Variants in DIP2C observed in about 807,000 individuals in gnomAD.
DIP2C encodes disco-interacting protein 2 homolog C.
Under a neutral mutation model 192.4 loss-of-function variants are expected in DIP2C, and 33 were observed. That is an observed-to-expected ratio of 0.17 (90% CI 0.13 to 0.23). The LOEUF is 0.23. Among genes scored for constraint, DIP2C ranks in the 10% least tolerant of loss-of-function variants. The pLI, the probability that DIP2C is intolerant of heterozygous loss-of-function variation, is 1.00. For synonymous variants in DIP2C, 979 were observed against 864.1 expected (o/e 1.13, Z -2.33); for missense variants, 1,537 against 2,110.1 (o/e 0.73, Z 5.32).
In DIP2C at chr10:277,527, C is replaced by G. The variant is rs1954577148; in HGVS notation, c.4469G>C (p.Gly1490Ala). The change falls in exon 37 of 37, where the codon GGG becomes GCG. Residue 1490 changes from glycine (G) to alanine (A), a missense_variant. Gly to Ala is a moderately conservative substitution (Grantham distance 60, BLOSUM62 0). This residue lies in a region of DIP2C where 341 missense variants were observed against 551.7 expected (regional missense o/e 0.62). Coordinates refer to ENST00000280886, the MANE Select transcript of DIP2C (RefSeq NM_014974.3). ...CAGGTCCAAGGCTTCTTGTTCCGAC[C>G]CATCCAGCTCAACCACAACCACCAA... The part of the protein sequence containing the change: ...NLLVVVVELD[G>A]SEQEALDLVP... 1.2e-6 allele frequency: 2 copies of G among 1,614,018 alleles called. No homozygotes were observed. The highest frequency in any genetic ancestry group is 1.3e-5 in the African/African-American group (1 of 74,914).
intron 32 of DIP2C, among the ~76,000 whole-genome samples, chr10:296,977 T>C (rs1439005609): frequency 1.3e-5 from 2 of 151,578 alleles, no homozygotes; most frequent in South Asian, 2.1e-4. Flanking sequence ...ACGTGGCACA[T>C]GTATACATAT....
At chr10:475,918 G>A (rs576670719) in intron 2 of DIP2C, among the ~76,000 whole-genome samples, 1 of 152,302 alleles carries the variant, frequency 6.6e-6, no homozygotes, top group South Asian at 2.1e-4. Context: ...CATGGCTGCT[G>A]GAACAGATAC....
intron 1 of DIP2C, among the ~76,000 whole-genome samples, chr10:540,404 C>T (rs1188780732): frequency 2.0e-5 from 3 of 152,374 alleles, no homozygotes; most frequent in African/African-American, 7.2e-5. Flanking sequence ...GAGCTTCCAC[C>T]TTCCCACATC....
At chr10:567,145 C>T (rs944922178) in intron 1 of DIP2C, among the ~76,000 whole-genome samples, 1 of 152,170 alleles carries the variant, frequency 6.6e-6, no homozygotes, top group African/African-American at 2.4e-5. Flanking sequence ...TCAAATCCAA[C>T]TCCGGCGGAA....
intron 32 of DIP2C, among the ~76,000 whole-genome samples, chr10:294,586 C>A (rs530983996): frequency 1.3e-5 from 2 of 149,696 alleles, no homozygotes; most frequent in Admixed American, 6.7e-5. Context: ...AGAGTGATAC[C>A]CCATCTAAAA....
At position 364,644 on chromosome 10, in the gene DIP2C, G is replaced by A. The variant is rs746637176; in HGVS notation, c.2269-62C>T. 6.9e-5 allele frequency: 107 copies of A among 1,549,732 alleles called. No homozygotes were observed. In the Middle Eastern group the frequency reaches 2.2e-3, roughly 32 times the overall value. On this transcript the variant is annotated intron_variant, in intron 19 of 36. Transcript: ENST00000280886. ...TGGTCAGCTGGTTTTAATCCTCGCC[G>A]CTACTCCTGGGAGCACGGCACCTGC...
At chr10:421,765 A>G (rs1966199921) in intron 5 of DIP2C, among the ~76,000 whole-genome samples, 1 of 152,188 alleles carries the variant, frequency 6.6e-6, no homozygotes, top group Non-Finnish European at 1.5e-5. Flanking sequence ...TTTCCTCACC[A>G]AAAGCCTAAA....
At chr10:605,421 A>C (rs1361410741) in intron 1 of DIP2C, among the ~76,000 whole-genome samples, 1 of 152,206 alleles carries the variant, frequency 6.6e-6, no homozygotes, top group African/African-American at 2.4e-5. Flanking sequence ...CAAGCTAATA[A>C]AATTCCTTAC....
At chr10:450,607 T>C (rs548433923) in intron 3 of DIP2C, among the ~76,000 whole-genome samples, 81 of 152,312 alleles carry the variant, frequency 5.3e-4, no homozygotes, top group Admixed American at 1.7e-3. Context: ...AGCTGTCTAC[T>C]AGCAGCAGCA....
chr10:516,253 C>T (rs907609332), intron 1 of DIP2C, among the ~76,000 whole-genome samples: 1 of 117,316 alleles, frequency 8.5e-6, no homozygotes, highest in African/African-American at 3.4e-5. Context: ...ACGTTTATAA[C>T]CTGTTGTTGA....
intron 36 of DIP2C, among the ~76,000 whole-genome samples, chr10:280,541 C>G (rs570562783): frequency 1.3e-5 from 2 of 152,234 alleles, no homozygotes; most frequent in African/African-American, 2.4e-5. Context: ...CTCCAGCATC[C>G]AATCCACTCC....
rs1851806317 is a variant in DIP2C at position 597,837 on chromosome 10, AG to A, written c.85+91656del. Among the ~76,000 whole-genome samples, 23 of 152,282 alleles carry A rather than the reference AG, an allele frequency of 1.5e-4. No homozygotes were observed. In the South Asian group the frequency reaches 4.8e-3, roughly 32 times the overall value. On this transcript the variant is annotated intron_variant, in intron 1 of 36. Transcript: ENST00000280886. ...ACACAGCTTACACCCATGAGGTCCTAGGGGTCCTGAGTCCTTTCCTGGCTAT... is the reference window on the plus strand; with the variant it reads ...ACACAGCTTACACCCATGAGGTCCTAGGGTCCTGAGTCCTTTCCTGGCTAT...
chr10:554,781 T>C (rs533032617), intron 1 of DIP2C, among the ~76,000 whole-genome samples: 1 of 152,282 alleles, frequency 6.6e-6, no homozygotes, highest in Non-Finnish European at 1.5e-5. Context: ...AGTGAGTCCT[T>C]CATCAAAAGG....
chr10:620,958 T>G (rs1853811665), intron 1 of DIP2C, among the ~76,000 whole-genome samples: 2 of 152,232 alleles, frequency 1.3e-5, no homozygotes. Flanking sequence ...TTATTCCAGT[T>G]GTTTTTGTTT....
At chr10:305,994 T>TATATATATATATATATACATA (rs201950305) in intron 32 of DIP2C, among the ~76,000 whole-genome samples, 69 of 148,754 alleles carry the variant, frequency 4.6e-4, no homozygotes, top group Middle Eastern at 3.6e-3. Context: ...TATATATATA[T>TATATATATATATATATACATA]TATATTTTTT....
chr10:622,404 A>AGGGAGGAGGGGGAGGGG (rs1853928959), intron 1 of DIP2C, among the ~76,000 whole-genome samples: 1 of 25,278 alleles, frequency 4.0e-5, no homozygotes, highest in Non-Finnish European at 8.0e-5. Flanking sequence ...AGGGGGAGGG[A>AGGGAGGAGGGGGAGGGG]GGGAGGGAAG....
At chr10:664,984 G>A (rs189057886) in intron 1 of DIP2C, 6 of 152,208 alleles carry the variant, frequency 3.9e-5, no homozygotes, top group Admixed American at 3.9e-4. Context: ...AATATCTACT[G>A]AATCGCGACT....
At chr10:372,217 A>G (rs915976286) in intron 17 of DIP2C, among the ~76,000 whole-genome samples, 4 of 151,966 alleles carry the variant, frequency 2.6e-5, no homozygotes, top group Admixed American at 1.3e-4. Context: ...CTGGGACTAC[A>G]GGCGCCGCCA....
chr10:514,903 C>G (rs1329627635), intron 1 of DIP2C, among the ~76,000 whole-genome samples: 1 of 152,130 alleles, frequency 6.6e-6, no homozygotes, highest in Non-Finnish European at 1.5e-5. Context: ...CCTGCAATAA[C>G]CTCATTTCTG....
Sources: allele counts gnomAD v4.1 joint callset (sites outside exome capture counted in the v4.1 genomes callset), GRCh38; gene constraint gnomAD v4.1.1; regional missense constraint gnomAD v4.1.1; transcripts MANE v1.5; gene names NCBI Gene and HGNC (gene_info 2026-07-23, HGNC 2026-07-21).